Variants in CTNNA2 observed in about 807,000 individuals in gnomAD.
The protein encoded by CTNNA2 is catenin alpha-2.
CTNNA2 carries 42 observed loss-of-function variants against 101.0 expected under a neutral mutation model. The observed-to-expected ratio is 0.42, with a 90% CI of 0.32 to 0.54. The LOEUF (loss-of-function observed/expected upper bound fraction) is 0.54, where lower values mean the gene tolerates loss of function less well. Among genes scored for constraint, CTNNA2 ranks in the 20% least tolerant of loss-of-function variants. The probability of loss-of-function intolerance (pLI) is 0.14; values close to 1 mark genes in which losing one functional copy is unlikely to be tolerated. For synonymous variants in CTNNA2, 450 were observed against 456.4 expected (o/e 0.99, Z 0.18); for missense variants, 871 against 1,223.1 (o/e 0.71, Z 4.29).
intron 4 of CTNNA2, among the ~76,000 whole-genome samples, chr2:79,393,592 A>G (rs1477841755): frequency 6.8e-6 from 1 of 147,940 alleles, no homozygotes; most frequent in Non-Finnish European, 1.5e-5. Flanking sequence ...AAATATGCAT[A>G]TCAGTAGCAG....
At chr2:80,101,147 G>C (rs1376408369) in intron 7 of CTNNA2, among the ~76,000 whole-genome samples, 1 of 152,142 alleles carries the variant, frequency 6.6e-6, no homozygotes, top group Non-Finnish European at 1.5e-5. Flanking sequence ...GGATATTTCA[G>C]AGGATTTAAA....
rs3040569 is a variant in CTNNA2 at position 80,367,007 on chromosome 2, ATTT to A, written c.1057-26191_1057-26189del. Among the ~76,000 whole-genome samples, 17 of 142,562 alleles carry A rather than the reference ATTT, an allele frequency of 1.2e-4. 1 individual carries two copies. The highest frequency in any genetic ancestry group is 3.5e-4 in the African/African-American group (14 of 39,484). The allele number at this position is 142,562 out of a possible 152,430, so 93.5% of individuals were successfully genotyped here. On this transcript the variant is annotated intron_variant, in intron 7 of 18. Transcript: ENST00000402739. ...AGGTAGGTGAGAGACAAATGGTTGC[ATTT>A]TTTTTTTTTTTTGAGTTTCTGATTA...
At chr2:79,536,663 C>T (rs954801911) in intron 1 of CTNNA2, among the ~76,000 whole-genome samples, 1 of 143,594 alleles carries the variant, frequency 7.0e-6, no homozygotes, top group Non-Finnish European at 1.5e-5. Context: ...ACTCTACTGT[C>T]GTCACTTTCA....
intron 1 of CTNNA2, among the ~76,000 whole-genome samples, chr2:79,523,516 AGTTT>A (rs1473808916): frequency 6.6e-6 from 1 of 152,090 alleles, no homozygotes; most frequent in African/African-American, 2.4e-5. Flanking sequence ...ATGTACATTC[AGTTT>A]GTTTGTGCTA....
chr2:79,501,895 C>G (rs979592153), intron 4 of CTNNA2, among the ~76,000 whole-genome samples: 1 of 151,614 alleles, frequency 6.6e-6, no homozygotes, highest in African/African-American at 2.4e-5. Flanking sequence ...TCCGACGACC[C>G]TGAACCCTCA....
intron 2 of CTNNA2, chr2:79,293,415 C>T (rs1675881164): frequency 6.6e-6 from 1 of 152,026 alleles, no homozygotes; most frequent in African/African-American, 2.4e-5. Flanking sequence ...ATGAGAAAAA[C>T]AGTTTGGTGC....
chr2:80,127,836 A>G (rs1248774640), intron 7 of CTNNA2, among the ~76,000 whole-genome samples: 2 of 152,164 alleles, frequency 1.3e-5, no homozygotes, highest in African/African-American at 4.8e-5. Context: ...AGGGATCATT[A>G]GCCTAAAGAG....
At chr2:80,261,509 T>C (rs892416471) in intron 7 of CTNNA2, among the ~76,000 whole-genome samples, 1 of 152,108 alleles carries the variant, frequency 6.6e-6, no homozygotes, top group African/African-American at 2.4e-5. Context: ...GCTATTTCTA[T>C]GTAATAGGAG....
At chr2:79,394,133 G>T (rs905038070) in intron 4 of CTNNA2, among the ~76,000 whole-genome samples, 5 of 152,050 alleles carry the variant, frequency 3.3e-5, no homozygotes, top group African/African-American at 1.2e-4. Flanking sequence ...GCTTTTACGT[G>T]CATTAAATCT....
chr2:79,911,453 G>T (rs1004192203), intron 7 of CTNNA2, among the ~76,000 whole-genome samples: 1 of 152,172 alleles, frequency 6.6e-6, no homozygotes, highest in Non-Finnish European at 1.5e-5. Flanking sequence ...CACAGAACGT[G>T]ACTAAATAAG....
chr2:79,537,577 T>G lies in CTNNA2; in HGVS notation c.-6+24370T>G, dbSNP rs551790345. ...GCAGAACGGTTAAGGTATTTTCCCCTTAGGAACCAAATCCGTCTTGGTAAT... is the reference window on the plus strand; with the variant it reads ...GCAGAACGGTTAAGGTATTTTCCCCGTAGGAACCAAATCCGTCTTGGTAAT... On this transcript the variant is annotated intron_variant, in intron 1 of 18. Transcript: ENST00000402739. Among the ~76,000 whole-genome samples the G allele has an allele frequency of 1.5e-4, 23 of 152,270 alleles. No homozygotes were observed. In the East Asian group the frequency reaches 3.1e-3, roughly 20 times the overall value.
intron 9 of CTNNA2, among the ~76,000 whole-genome samples, chr2:80,536,514 A>G (rs1057305951): frequency 2.6e-5 from 4 of 152,216 alleles, no homozygotes; most frequent in Admixed American, 2.6e-4. Context: ...AATTAATGAA[A>G]TGATTCAGTG....
chr2:79,370,449 A>T (rs1222414685), intron 3 of CTNNA2, among the ~76,000 whole-genome samples: 1 of 152,174 alleles, frequency 6.6e-6, no homozygotes, highest in Non-Finnish European at 1.5e-5. Context: ...TTTTCTTTAG[A>T]GTCTGGATGT....
At chr2:79,860,670 T>C (rs540367981) in intron 4 of CTNNA2, among the ~76,000 whole-genome samples, 1 of 149,692 alleles carries the variant, frequency 6.7e-6, no homozygotes, top group African/African-American at 2.4e-5. Flanking sequence ...AAATAACACA[T>C]TTGTTCTACT....
At chr2:79,933,300 G>A (rs1020999418) in intron 7 of CTNNA2, among the ~76,000 whole-genome samples, 2 of 151,996 alleles carry the variant, frequency 1.3e-5, no homozygotes, top group East Asian at 1.9e-4. Flanking sequence ...ACCATGTTAC[G>A]GGCTATCATA....
At chr2:80,142,292 G>A (rs1703063101) in intron 7 of CTNNA2, among the ~76,000 whole-genome samples, 1 of 152,152 alleles carries the variant, frequency 6.6e-6, no homozygotes, top group Non-Finnish European at 1.5e-5. Flanking sequence ...GGAGTCTTCA[G>A]CGTTAGCTGC....
chr2:79,332,890 A>C (rs971017636), intron 3 of CTNNA2, among the ~76,000 whole-genome samples: 6 of 152,108 alleles, frequency 3.9e-5, no homozygotes, highest in Non-Finnish European at 7.4e-5. Flanking sequence ...AAATTCACTA[A>C]TGCTCCAATG....
At chr2:80,584,841 C>T (rs887993470) in intron 14 of CTNNA2, among the ~76,000 whole-genome samples, 1 of 152,084 alleles carries the variant, frequency 6.6e-6, no homozygotes, top group African/African-American at 2.4e-5. Context: ...TTGAGCTAAT[C>T]ATTCATTAGA....
At chr2:80,248,975 G>T (rs1191361311) in intron 7 of CTNNA2, among the ~76,000 whole-genome samples, 1 of 152,160 alleles carries the variant, frequency 6.6e-6, no homozygotes, top group Non-Finnish European at 1.5e-5. Context: ...TGCTGAACAT[G>T]GTGATTGCAC....
Sources: allele counts gnomAD v4.1 joint callset (sites outside exome capture counted in the v4.1 genomes callset), GRCh38; gene constraint gnomAD v4.1.1; transcripts MANE v1.5; gene names NCBI Gene and HGNC (gene_info 2026-07-23, HGNC 2026-07-21).